Variants in PRH1 observed in about 807,000 individuals in gnomAD.
The protein encoded by PRH1 is salivary acidic proline-rich phosphoprotein 1/2.
Under a neutral mutation model 7.9 loss-of-function variants are expected in PRH1, and 7 were observed. That is an observed-to-expected ratio of 0.89 (90% CI 0.50 to 1.67). The LOEUF is 1.67. Ranked by LOEUF, PRH1 falls within the 40% of genes most tolerant of loss-of-function variation. The probability of loss-of-function intolerance (pLI) is 0.00; values close to 1 mark genes in which losing one functional copy is unlikely to be tolerated. For synonymous variants in PRH1, 45 were observed against 80.8 expected, an observed-to-expected ratio of 0.56 and a Z score of 2.38; for missense variants, 109 against 223.6, an observed-to-expected ratio of 0.49 and a Z score of 3.27.
intron 1 of PRH1, among the ~76,000 whole-genome samples, chr12:11,099,185 G>T (rs1425343955): frequency 6.6e-6 from 1 of 152,088 alleles, no homozygotes; most frequent in East Asian, 1.9e-4. Context: ...AACTTACTTT[G>T]ATAAACAGAA....
downstream of PRH1, among the ~76,000 whole-genome samples, chr12:11,119,535 A>G (rs1383004346): frequency 6.6e-6 from 1 of 152,196 alleles, no homozygotes. Context: ...CGTGTACTCA[A>G]TACAGACCTA....
intron 2 of PRH1, among the ~76,000 whole-genome samples, chr12:10,897,853 T>C (rs1949670819): frequency 6.6e-6 from 1 of 152,148 alleles, no homozygotes; most frequent in Non-Finnish European, 1.5e-5. Context: ...CATTAGGGGT[T>C]ACAATTCAAT....
chr12:11,171,015 T>C (rs752396745), intron 1 of PRH1, among the ~76,000 whole-genome samples: 39 of 152,254 alleles, frequency 2.6e-4, no homozygotes, highest in Non-Finnish European at 4.7e-4. Flanking sequence ...TTTTGTGCCC[T>C]ACGGCAAGTT....
intron 3 of PRH1, among the ~76,000 whole-genome samples, chr12:10,881,723 G>A (rs1421715295): frequency 1.3e-5 from 2 of 152,092 alleles, no homozygotes; most frequent in South Asian, 2.1e-4. Context: ...TGTACATTTC[G>A]GTTCAGTGAG....
chr12:10,984,704 A>G (rs1197410816), intron 1 of PRH1, among the ~76,000 whole-genome samples: 1 of 152,084 alleles, frequency 6.6e-6, no homozygotes, highest in Non-Finnish European at 1.5e-5. Flanking sequence ...TTAAAATTTC[A>G]TAACTCCAAG....
chr12:10,958,021 A>C (rs73262933), intron 2 of PRH1, among the ~76,000 whole-genome samples: 3,684 of 152,246 alleles, frequency 0.024, 146 homozygotes, highest in African/African-American at 0.083. Context: ...CAAAGAACTT[A>C]ACACAGAATT....
intron 1 of PRH1, among the ~76,000 whole-genome samples, chr12:11,061,058 T>C (rs1217148571): frequency 6.6e-6 from 1 of 152,116 alleles, no homozygotes; most frequent in East Asian, 1.9e-4. Flanking sequence ...ATAAATGAAA[T>C]AGGTATGGAT....
At chr12:10,883,129 T>C (rs2135780020) in intron 1 of PRH1, 33 bp from the exon 2 acceptor site, 4 of 1,607,250 alleles carry the variant, frequency 2.5e-6, no homozygotes, top group Non-Finnish European at 3.4e-6. Flanking sequence ...TGGGAAAAGT[T>C]ACTTCCTGAA....
chr12:11,101,988 G>A (rs1242975790), intron 1 of PRH1, among the ~76,000 whole-genome samples: 1 of 135,826 alleles, frequency 7.4e-6, no homozygotes, highest in Non-Finnish European at 1.7e-5. Context: ...AACTTACAAG[G>A]GATGTGAAGG....
chr12:11,053,808 T>C (rs772152938), intron 1 of PRH1, among the ~76,000 whole-genome samples: 1 of 152,148 alleles, frequency 6.6e-6, no homozygotes, highest in Non-Finnish European at 1.5e-5. Flanking sequence ...TTCATCCTCA[T>C]GGCTTTACAT....
At chr12:10,975,300 CAAG>C (rs1228593852) in intron 1 of PRH1, among the ~76,000 whole-genome samples, 1 of 152,110 alleles carries the variant, frequency 6.6e-6, no homozygotes, top group African/African-American at 2.4e-5. Flanking sequence ...AATTTTTAAT[CAAG>C]AATTTCGTAT....
chr12:10,980,297 A>G (rs1266172709), intron 1 of PRH1, among the ~76,000 whole-genome samples: 1 of 152,146 alleles, frequency 6.6e-6, no homozygotes, highest in East Asian at 1.9e-4. Context: ...ATCAATCATA[A>G]TTCTATCTAT....
intron 1 of PRH1, among the ~76,000 whole-genome samples, chr12:11,170,986 T>C (rs1192439759): frequency 6.6e-6 from 1 of 152,246 alleles, no homozygotes; most frequent in Non-Finnish European, 1.5e-5. Flanking sequence ...AGTTTTAATC[T>C]AGCTTTGGCC....
At chr12:11,158,423 T>C (rs1344563701) in intron 1 of PRH1, among the ~76,000 whole-genome samples, 1 of 152,162 alleles carries the variant, frequency 6.6e-6, no homozygotes, top group African/African-American at 2.4e-5. Context: ...AATTTTTTGT[T>C]CAAAAAATTA....
At chr12:11,013,523 A>G (rs904163249) in intron 1 of PRH1, among the ~76,000 whole-genome samples, 7 of 152,178 alleles carry the variant, frequency 4.6e-5, no homozygotes, top group Non-Finnish European at 1.0e-4. Context: ...TACTAACTGT[A>G]CAATTGCAAG....
intron 1 of PRH1, among the ~76,000 whole-genome samples, chr12:11,032,630 C>A (rs1227551829): frequency 6.6e-6 from 1 of 152,116 alleles, no homozygotes; most frequent in South Asian, 2.1e-4. Context: ...GTTTTCAGCC[C>A]ATGAATAATA....
At chr12:11,100,531 C>A (rs1339440970) in intron 1 of PRH1, among the ~76,000 whole-genome samples, 2 of 152,198 alleles carry the variant, frequency 1.3e-5, no homozygotes, top group Admixed American at 6.5e-5. Flanking sequence ...ATCTCCACCA[C>A]AGCTCCACCA....
intron 2 of PRH1, among the ~76,000 whole-genome samples, chr12:10,936,839 G>A (rs776425645): frequency 1.1e-4 from 17 of 152,026 alleles, no homozygotes; most frequent in Non-Finnish European, 1.6e-4. Context: ...GAGAGTGTGG[G>A]CTTCAACACA....
intron 1 of PRH1, among the ~76,000 whole-genome samples, chr12:11,098,329 C>T (rs192752317): frequency 2.0e-5 from 3 of 151,620 alleles, no homozygotes; most frequent in Admixed American, 1.3e-4. Flanking sequence ...ATCACCATGG[C>T]GTGTTAACTA....
Sources: allele counts gnomAD v4.1 joint callset (sites outside exome capture counted in the v4.1 genomes callset), GRCh38; gene constraint gnomAD v4.1.1; transcripts MANE v1.5; gene names NCBI Gene and HGNC (gene_info 2026-07-23, HGNC 2026-07-21).